The following IKZF1 variants were observed in gnomAD, a reference collection of about 807,000 sequenced individuals.
The protein encoded by IKZF1 is DNA-binding protein Ikaros.
In IKZF1, 10 loss-of-function variants were observed where a neutral mutation model predicts 51.7. The observed-to-expected ratio is 0.19, with a 90% CI of 0.12 to 0.33. The LOEUF (loss-of-function observed/expected upper bound fraction) is 0.33, where lower values mean the gene tolerates loss of function less well. Among genes scored for constraint, IKZF1 ranks in the 10% least tolerant of loss-of-function variants. IKZF1 has a pLI of 1.00. For missense variants in IKZF1, 484 were observed against 707.5 expected (o/e 0.68, Z 3.58); for synonymous variants, 280 against 282.3 (o/e 0.99, Z 0.08).
intron 3 of IKZF1, among the ~76,000 whole-genome samples, chr7:50,346,926 T>G (rs1209771010): frequency 6.6e-6 from 1 of 152,226 alleles, no homozygotes. Context: ...TGTGCACATA[T>G]AAAATTGTGT....
At chr7:50,342,499 C>T (rs1799283137) in intron 3 of IKZF1, among the ~76,000 whole-genome samples, 1 of 152,180 alleles carries the variant, frequency 6.6e-6, no homozygotes, top group Non-Finnish European at 1.5e-5. Flanking sequence ...TGAGGACAGG[C>T]TGTAAGTAAA....
In IKZF1 at chr7:50,382,677, G is replaced by A. The variant is rs2153478014; in HGVS notation, c.559G>A (p.Ala187Thr). Residue 187 changes from alanine to threonine, a missense_variant, in exon 5 of 8, where the codon GCC becomes ACC. Ala to Thr is a moderately conservative substitution (Grantham distance 58, BLOSUM62 0). Transcript: ENST00000331340. Reference protein sequence around the residue: ...LCNYACRRRDALTGHLRTHSV... With the variant: ...LCNYACRRRDTLTGHLRTHSV... ...CAACTACGCCTGCCGCCGGAGGGAC[G>A]CCCTCACTGGCCACCTGAGGACGCA... is the stretch of plus-strand genomic sequence containing the variant. 1 of 1,610,466 alleles carries A rather than the reference G, an allele frequency of 6.2e-7. No homozygotes were observed.
At chr7:50,319,666 C>G (rs1338511938) in intron 2 of IKZF1, among the ~76,000 whole-genome samples, 1 of 152,202 alleles carries the variant, frequency 6.6e-6, no homozygotes, top group Admixed American at 6.5e-5. Context: ...GCGAGCCAGT[C>G]CAACAAAACC....
Position 50,404,614 on chromosome 7 carries a change from G to C in IKZF1, c.*3987G>C, listed in dbSNP as rs751824137. The C allele has an allele frequency of 4.4e-6, 1 of 229,538 alleles. No individual in the cohort carries two copies. The highest frequency in any genetic ancestry group is 8.6e-6 in the Non-Finnish European group (1 of 115,632). The allele number at this position is 229,538 out of a possible 1,614,324, so 14.2% of individuals were successfully genotyped here. A position where few individuals can be genotyped will look rare whatever the true frequency, so the allele number is the denominator to read the frequency against. ...GTGTCTTGATGTGGCCAGCGCAGCA[G>C]TTCAGCACAACGTACCTCCCATCTA... On this transcript the variant is annotated 3_prime_UTR_variant, in exon 8 of 8. Coordinates refer to ENST00000331340, the MANE Select transcript of IKZF1 (RefSeq NM_006060.6).
intron 6 of IKZF1, 138 bp downstream of exon 6, chr7:50,387,608 G>A: frequency 7.5e-7 from 1 of 1,331,496 alleles, no homozygotes; most frequent in Non-Finnish European, 9.8e-7. Context: ...GGAAGTTTTT[G>A]GCCAATAGCA....
At chr7:50,313,733 C>T (rs1171776153) in intron 1 of IKZF1, among the ~76,000 whole-genome samples, 1 of 152,154 alleles carries the variant, frequency 6.6e-6, no homozygotes, top group African/African-American at 2.4e-5. Flanking sequence ...ATGCAGATGC[C>T]TTGGGTTTAA....
At position 50,319,088 on chromosome 7, in the gene IKZF1, G is replaced by A. The variant is rs774453089; in HGVS notation, c.27G>A (p.Met9Ile). 2 of 1,613,728 alleles carry A rather than the reference G, an allele frequency of 1.2e-6. No individual in the cohort carries two copies. The highest frequency in any genetic ancestry group is 1.1e-5 in the South Asian group (1 of 91,062). MDADEGQD[M>I]SQVSGKESPP... ...TGGATGCTGATGAGGGTCAAGACAT[G>A]TCCCAAGTTTCAGGTGAGACCTTAT... Residue 9 changes from methionine (M) to isoleucine (I), a missense_variant, in exon 2 of 8, where the codon ATG becomes ATA. Physicochemically the swap from Met to Ile is conservative, Grantham distance 10 (BLOSUM62 1). Around this residue, in one of 6 missense-constraint regions of IKZF1, gnomAD observed 118 missense variants for 138.4 expected, o/e 0.85. Coordinates refer to ENST00000331340, the MANE Select transcript of IKZF1 (RefSeq NM_006060.6).
rs1324955941 is a variant in IKZF1 at position 50,376,898 on chromosome 7, G to C, written c.421+105G>C. ...TTGTGTTCTGAGCATGTTTCTAATTGACTGGTAGCTCAGTTGTTGCAAGCG... is the reference window on the plus strand; with the variant it reads ...TTGTGTTCTGAGCATGTTTCTAATTCACTGGTAGCTCAGTTGTTGCAAGCG... On this transcript the variant is annotated intron_variant, in intron 4 of 7. Coordinates refer to ENST00000331340, the MANE Select transcript of IKZF1 (RefSeq NM_006060.6). This position sits in a 1 kb window ranked among gnomAD's most constrained non-coding sequence, Gnocchi z 4.5. 3 of 1,500,986 alleles carry C rather than the reference G, an allele frequency of 2.0e-6. No homozygotes were observed. The African/African-American group carries it at 4.2e-5, about 21-fold the overall frequency. 93.0% of individuals were successfully genotyped at this position (1,500,986 alleles called of 1,614,324 possible). A position where few individuals can be genotyped will look rare whatever the true frequency, so the allele number is the denominator to read the frequency against.
chr7:50,347,025 T>C (rs892809946), intron 3 of IKZF1, among the ~76,000 whole-genome samples: 9 of 152,226 alleles, frequency 5.9e-5, no homozygotes, highest in Non-Finnish European at 1.3e-4. Flanking sequence ...CATTATCTCC[T>C]GCATCTTGTA....
At chr7:50,338,048 T>C (rs1798193470) in intron 3 of IKZF1, among the ~76,000 whole-genome samples, 1 of 152,104 alleles carries the variant, frequency 6.6e-6, no homozygotes, top group Non-Finnish European at 1.5e-5. Flanking sequence ...GGTTTTTTAA[T>C]ATAGCCAGTA....
intron 1 of IKZF1, among the ~76,000 whole-genome samples, chr7:50,317,425 C>T (rs1304091611): frequency 2.6e-5 from 4 of 152,186 alleles, no homozygotes; most frequent in Admixed American, 6.5e-5. Flanking sequence ...TCAGAAGAAT[C>T]GTGGCTTTTC....
intron 3 of IKZF1, among the ~76,000 whole-genome samples, chr7:50,355,829 T>C (rs1342580727): frequency 1.3e-5 from 2 of 152,216 alleles, no homozygotes; most frequent in African/African-American, 4.8e-5. Flanking sequence ...CAGCGTTCCC[T>C]GTGAACTCCG....
chr7:50,389,347 T>G (rs919904894), intron 6 of IKZF1, among the ~76,000 whole-genome samples: 2 of 152,220 alleles, frequency 1.3e-5, no homozygotes, highest in African/African-American at 4.8e-5. Flanking sequence ...TCTCTATTGG[T>G]CTCTATGTCA....
At chr7:50,396,073 T>A (rs551485151) in intron 7 of IKZF1, among the ~76,000 whole-genome samples, 2 of 152,308 alleles carry the variant, frequency 1.3e-5, no homozygotes, top group South Asian at 2.1e-4. Flanking sequence ...GAATAAAAAA[T>A]TCCTGCCATT....
intron 4 of IKZF1, 106 bp from the exon 5 acceptor site, chr7:50,382,434 C>T (rs780851597): frequency 6.3e-6 from 9 of 1,422,284 alleles, no homozygotes; most frequent in African/African-American, 1.4e-5. Flanking sequence ...AAACCTGCAG[C>T]CGGTGGAAGT....
At chr7:50,359,721 C>T (rs141370616) in intron 3 of IKZF1, among the ~76,000 whole-genome samples, 1 of 152,368 alleles carries the variant, frequency 6.6e-6, no homozygotes, top group African/African-American at 2.4e-5. Context: ...GATGCACCCA[C>T]CCAATTCCAC....
At chr7:50,310,700 C>T (rs1789962067) in intron 1 of IKZF1, among the ~76,000 whole-genome samples, 1 of 152,216 alleles carries the variant, frequency 6.6e-6, no homozygotes, top group African/African-American at 2.4e-5. Context: ...GCTGAGCTCC[C>T]TATTGCAGAA....
At chr7:50,381,397 G>A (rs1355937954) in intron 4 of IKZF1, among the ~76,000 whole-genome samples, 1 of 152,180 alleles carries the variant, frequency 6.6e-6, no homozygotes, top group Non-Finnish European at 1.5e-5. Flanking sequence ...TAAAGCATTT[G>A]TTTTACAAAA....
Position 50,405,031 on chromosome 7 carries a change from A to G in IKZF1, c.*4404A>G, listed in dbSNP as rs112103312. 13 of 198,960 alleles carry G rather than the reference A, an allele frequency of 6.5e-5. No homozygotes were observed. Among genetic ancestry groups the G allele is most frequent in the African/African-American group, 2.8e-4 (12 of 43,516 alleles). The allele number at this position is 198,960 out of a possible 1,614,324, so 12.3% of individuals were successfully genotyped here. A position where few individuals can be genotyped will look rare whatever the true frequency, so the allele number is the denominator to read the frequency against. On this transcript the variant is annotated 3_prime_UTR_variant, in exon 8 of 8. Transcript: ENST00000331340. Reference sequence around the variant, plus strand: ...TGGGAGACCAAAAATTTCTGATCCCATTTCTGATGGATGTGTCACACCTTT... The same window carrying G: ...TGGGAGACCAAAAATTTCTGATCCCGTTTCTGATGGATGTGTCACACCTTT...
Sources: allele counts gnomAD v4.1 joint callset (sites outside exome capture counted in the v4.1 genomes callset), GRCh38; gene constraint gnomAD v4.1.1; regional missense constraint gnomAD v4.1.1; non-coding constraint Gnocchi (gnomAD v3.1); transcripts MANE v1.5; gene names NCBI Gene and HGNC (gene_info 2026-07-23, HGNC 2026-07-21).